CUL2: variants seen among roughly 807,000 people sequenced by gnomAD.
CUL2 encodes cullin-2.
Under a neutral mutation model 110.2 loss-of-function variants are expected in CUL2, and 22 were observed. The ratio of observed to expected loss-of-function variants is 0.20; its 90% CI spans 0.14 to 0.28. The LOEUF is 0.28. Among genes scored for constraint, CUL2 ranks in the 10% least tolerant of loss-of-function variants. CUL2 has a pLI of 1.00. For missense variants in CUL2, 631 were observed against 905.5 expected (o/e 0.70, Z 3.89); for synonymous variants, 279 against 293.2 (o/e 0.95, Z 0.49).
At chr10:35,086,042 T>C (rs2087056524) in intron 1 of CUL2, among the ~76,000 whole-genome samples, 1 of 152,004 alleles carries the variant, frequency 6.6e-6, no homozygotes, top group Non-Finnish European at 1.5e-5. Flanking sequence ...ACAAGCAGCC[T>C]GGCCAACATA....
At chr10:35,033,065 G>T in intron 11 of CUL2, 101 bp downstream of exon 11, 2 of 521,358 alleles carry the variant, frequency 3.8e-6, no homozygotes, top group Non-Finnish European at 6.5e-6. Context: ...TAATCTCCAT[G>T]TCTACATCAG....
At chr10:35,099,919 T>C (rs949546461) in intron 2 of CUL2, among the ~76,000 whole-genome samples, 7 of 152,128 alleles carry the variant, frequency 4.6e-5, no homozygotes, top group African/African-American at 1.7e-4. Context: ...TAGATCTCTG[T>C]GGGCAAGTGA....
At chr10:35,096,303 AAAG>A (rs760860123) in intron 2 of CUL2, among the ~76,000 whole-genome samples, 31 of 152,196 alleles carry the variant, frequency 2.0e-4, no homozygotes, top group Non-Finnish European at 3.7e-4. Context: ...GAGTCTCTTT[AAAG>A]AAGTGGCTGA....
chr10:35,047,379 G>A (rs2085969586), intron 6 of CUL2, among the ~76,000 whole-genome samples: 1 of 151,974 alleles, frequency 6.6e-6, no homozygotes, highest in South Asian at 2.1e-4. Flanking sequence ...GGAAGGCCGA[G>A]GCGGGTGGAT....
chr10:35,052,631 C>T (rs779055618), intron 5 of CUL2, among the ~76,000 whole-genome samples: 2 of 152,086 alleles, frequency 1.3e-5, no homozygotes, highest in Admixed American at 6.5e-5. Flanking sequence ...CGCGGTGGCT[C>T]ATACCTGTAA....
Position 35,011,830 on chromosome 10 carries a change from G to A in CUL2, c.2106+18C>T, listed in dbSNP as rs1255968943. 7.1e-7 allele frequency: 1 copy of A among 1,411,330 alleles called. No homozygotes were observed. The highest frequency in any genetic ancestry group is 2.3e-5 in the East Asian group (1 of 43,964). The allele number at this position is 1,411,330 out of a possible 1,614,324, so 87.4% of individuals were successfully genotyped here. A position where few individuals can be genotyped will look rare whatever the true frequency, so the allele number is the denominator to read the frequency against. ...TGCCCTCTACCCTAAGAAGCCCTGA[G>A]GACTGCCCTCCTTTTACCTCTTGAA... is the stretch of plus-strand genomic sequence containing the variant. On this transcript the variant is annotated intron_variant, in intron 20 of 20. Transcript: ENST00000374749.
intron 1 of CUL2, among the ~76,000 whole-genome samples, chr10:35,112,668 G>A (rs2087536767): frequency 6.6e-6 from 1 of 152,114 alleles, no homozygotes; most frequent in South Asian, 2.1e-4. Flanking sequence ...CTCTGGAAAG[G>A]AGTAGACAGA....
chr10:35,068,862 T>C (rs2086606541), intron 2 of CUL2, among the ~76,000 whole-genome samples: 3 of 152,046 alleles, frequency 2.0e-5, no homozygotes, highest in Admixed American at 1.3e-4. Context: ...ATTAGTAGCA[T>C]AGTCTTTTAT....
At chr10:35,053,210 G>A (rs2086158168) in intron 5 of CUL2, among the ~76,000 whole-genome samples, 1 of 152,144 alleles carries the variant, frequency 6.6e-6, no homozygotes, top group Admixed American at 6.5e-5. Context: ...GCTTGACAGT[G>A]CTGGTGATAA....
intron 1 of CUL2, among the ~76,000 whole-genome samples, chr10:35,121,498 A>G (rs2087678189): frequency 6.6e-6 from 1 of 152,240 alleles, no homozygotes; most frequent in Middle Eastern, 3.2e-3. Context: ...TCTTCTTCAC[A>G]AACACTTTAT....
intron 2 of CUL2, among the ~76,000 whole-genome samples, chr10:35,069,632 G>A (rs542337709): frequency 2.3e-4 from 35 of 151,900 alleles, no homozygotes; most frequent in African/African-American, 7.7e-4. Context: ...GTGACTGAAG[G>A]GGTCACTTTC....
intron 16 of CUL2, 116 bp from the exon 17 acceptor site, chr10:35,025,314 C>A: frequency 1.5e-6 from 2 of 1,337,804 alleles, no homozygotes; most frequent in East Asian, 5.7e-5. Context: ...ACATTAAAGC[C>A]CATCTGGTTT....
rs773714636 is a variant in CUL2, at chr10:35,071,337, A to G, written c.-20T>C. ...AGACATTGTGCAAGTGTAGTGTTGA[A>G]ATCTGTCAATTAAAAAACAATAACA... On this transcript the variant is annotated splice_region_variant and 5_prime_UTR_variant, in exon 2 of 21. Transcript: ENST00000374749. 6.2e-7 allele frequency: 1 copy of G among 1,604,382 alleles called. No homozygotes were observed. Among genetic ancestry groups the G allele is most frequent in the South Asian group, 1.1e-5 (1 of 89,948 alleles).
chr10:35,051,731 G>A (rs1271365374), intron 5 of CUL2, among the ~76,000 whole-genome samples: 1 of 152,126 alleles, frequency 6.6e-6, no homozygotes, highest in African/African-American at 2.4e-5. Flanking sequence ...CCTGTGAAAC[G>A]CCCATTCCTA....
At chr10:35,103,319 TTTTTTTTTTTTTTA>T (rs1316529860) in intron 1 of CUL2, among the ~76,000 whole-genome samples, 22 of 114,236 alleles carry the variant, frequency 1.9e-4, no homozygotes, top group African/African-American at 8.1e-4. Context: ...TTTTTTTTTT[TTTTTTTTTTTTTTA>T]TTTTTTTTTG....
intron 5 of CUL2, among the ~76,000 whole-genome samples, chr10:35,053,075 T>G (rs1477744699): frequency 6.6e-6 from 1 of 152,114 alleles, no homozygotes; most frequent in Non-Finnish European, 1.5e-5. Context: ...TTATCGCAGT[T>G]TGAAAAATAA....
chr10:35,029,411 G>A (rs1458799807), intron 15 of CUL2, 77 bp downstream of exon 15: 1 of 1,031,178 alleles, frequency 9.7e-7, no homozygotes, highest in East Asian at 2.8e-5. Context: ...AACGTAATCA[G>A]GCATCCATTT....
chr10:35,047,395 G>C (rs1405011390), intron 6 of CUL2, among the ~76,000 whole-genome samples: 1 of 151,724 alleles, frequency 6.6e-6, no homozygotes. Flanking sequence ...TGGATCACGA[G>C]GTCAGGAGAT....
intron 4 of CUL2, among the ~76,000 whole-genome samples, chr10:35,057,909 C>T (rs1007127743): frequency 3.3e-5 from 5 of 151,768 alleles, no homozygotes; most frequent in Non-Finnish European, 7.4e-5. Context: ...TCCTGGCCAA[C>T]ATGGTGAAAC....
Sources: gnomAD v4.1 joint callset for allele counts (sites outside exome capture counted in the v4.1 genomes callset) on GRCh38, gnomAD v4.1.1 for gene constraint, MANE v1.5 for transcripts, NCBI Gene and HGNC (gene_info 2026-07-23, HGNC 2026-07-21) for gene names.